The following ATG16L2 variants were observed in gnomAD, a reference collection of about 807,000 sequenced individuals.
The protein encoded by ATG16L2 is protein Atg16l2.
A neutral mutation model predicts 84.7 loss-of-function variants in ATG16L2; 77 were observed. That is an observed-to-expected ratio of 0.91 (90% CI 0.76 to 1.10). The LOEUF (loss-of-function observed/expected upper bound fraction) is 1.10. ATG16L2 is among the 50% of genes least tolerant of loss of function. The probability of loss-of-function intolerance (pLI) is 0.00; values close to 1 mark genes in which losing one functional copy is unlikely to be tolerated. For missense variants in ATG16L2, 782 were observed against 817.6 expected (o/e 0.96, Z 0.53); for synonymous variants, 361 against 342.8 (o/e 1.05, Z -0.59).
intron 8 of ATG16L2, chr11:72,824,424 G>A: frequency 1.8e-6 from 1 of 565,250 alleles, no homozygotes. Context: ...GCTCTGAAAT[G>A]TCAGGGACTC....
In ATG16L2 at chr11:72,826,038, C is replaced by G. The variant is rs1591310289; in HGVS notation, c.1103-135C>G. 1.1e-5 allele frequency: 8 copies of G among 704,768 alleles called. No homozygotes were observed. In the East Asian group the frequency reaches 2.2e-4, roughly 19 times the overall value. The allele number at this position is 704,768 out of a possible 1,614,324, so 43.7% of individuals were successfully genotyped here. On this transcript the variant is annotated intron_variant, in intron 10 of 17. Transcript: ENST00000321297. ...TCCAGCCCAGGCCCGCAGAACAGACCCAGCGATTCTGTCTTCTAACCTGGG... is the reference window on the plus strand; with the variant it reads ...TCCAGCCCAGGCCCGCAGAACAGACGCAGCGATTCTGTCTTCTAACCTGGG...
chr11:72,818,099 A>C, intron 3 of ATG16L2: 1 of 526,056 alleles, frequency 1.9e-6, no homozygotes, highest in Non-Finnish European at 3.4e-6. Context: ...CTGGCAGCCC[A>C]TTTCCCTTCC....
chr11:72,817,994 C>T (rs1337906285), intron 3 of ATG16L2, 139 bp downstream of exon 3: 1 of 798,886 alleles, frequency 1.3e-6, no homozygotes, highest in Non-Finnish European at 1.9e-6. Flanking sequence ...TGTGCCAGGC[C>T]CTGACCTGAA....
intron 5 of ATG16L2, among the ~76,000 whole-genome samples, chr11:72,836,035 A>G (rs1860719714): frequency 6.6e-6 from 1 of 152,274 alleles, no homozygotes; most frequent in Admixed American, 6.5e-5. Context: ...GGCATGAGCC[A>G]CTGCGCCCGG....
chr11:72,826,483 C>T (rs1860364154), intron 11 of ATG16L2, 35 bp from the exon 12 acceptor site: 1 of 1,612,610 alleles, frequency 6.2e-7, no homozygotes, highest in South Asian at 1.1e-5. Flanking sequence ...TTGCCTCCGG[C>T]TTAGCACCTC....
rs1040216108 is a variant in ATG16L2 at position 72,827,406 on chromosome 11, C to T, written c.1472+113C>T. On this transcript the variant is annotated intron_variant, in intron 14 of 17. Transcript: ENST00000321297. ...GAGTCTTGGTGGCACTTTGGGCAGGCAAGGCTGTGGGGCTGGCACTGCCAG... is the reference window on the plus strand; with the variant it reads ...GAGTCTTGGTGGCACTTTGGGCAGGTAAGGCTGTGGGGCTGGCACTGCCAG... 21 of 875,214 alleles carry T rather than the reference C, an allele frequency of 2.4e-5. No homozygotes were observed. The Admixed American group carries it at 4.4e-4, about 19-fold the overall frequency. The allele number at this position is 875,214 out of a possible 1,614,324, so 54.2% of individuals were successfully genotyped here.
At chr11:72,830,488 G>T (rs569222004), downstream of ATG16L2, among the ~76,000 whole-genome samples, 1 of 152,128 alleles carries the variant, frequency 6.6e-6, no homozygotes, top group East Asian at 1.9e-4. Flanking sequence ...AGTGACTTTT[G>T]TTGTTGTTGT....
chr11:72,842,491 A>C, intron 5 of ATG16L2: 1 of 1,076,592 alleles, frequency 9.3e-7, no homozygotes, highest in South Asian at 1.6e-5. Context: ...GCAGTTGTGC[A>C]GACACTGGCA....
At chr11:72,816,878 T>A in intron 2 of ATG16L2, 51 bp downstream of exon 2, 6 of 1,262,588 alleles carry the variant, frequency 4.8e-6, no homozygotes, top group South Asian at 1.2e-5. Flanking sequence ...GCTGGGGCCC[T>A]GCCCCTGCTG....
downstream of ATG16L2, among the ~76,000 whole-genome samples, chr11:72,832,167 G>T (rs1357114593): frequency 1.3e-5 from 2 of 152,240 alleles, no homozygotes; most frequent in Non-Finnish European, 2.9e-5. Flanking sequence ...TCATTTCACA[G>T]GGTTGTAGTG....
At position 72,824,829 on chromosome 11, in the gene ATG16L2, C is replaced by G. The variant is rs1565267692; in HGVS notation, c.983C>G (p.Ala328Gly). Residue 328 changes from alanine to glycine, a missense_variant, in exon 9 of 18, where the codon GCT becomes GGT. By Grantham distance (60) the Ala-to-Gly change is moderately conservative. Transcript: ENST00000321297. The stretch of plus-strand genomic sequence containing the variant: ...GTGGCTGCCCGACTTCCTACCCGGG[C>G]TCAGGATGTGCTGGTAAGGGAGGAG... ...VCVAARLPTR[A>G]QDVLDAHLSE... is the part of the protein sequence containing the mutation. 6.3e-7 allele frequency: 1 copy of G among 1,593,330 alleles called. No homozygotes were observed. Among genetic ancestry groups the G allele is most frequent in the African/African-American group, 1.3e-5 (1 of 74,648 alleles).
intron 5 of ATG16L2, among the ~76,000 whole-genome samples, chr11:72,842,014 C>A (rs529343015): frequency 1.3e-5 from 2 of 152,314 alleles, no homozygotes; most frequent in African/African-American, 2.4e-5. Context: ...ACAATCACCA[C>A]GCAAACAAGA....
chr11:72,824,574 G>C (rs1860221091), intron 8 of ATG16L2, 160 bp from the exon 9 acceptor site: 1 of 645,878 alleles, frequency 1.5e-6, no homozygotes, highest in Non-Finnish European at 2.8e-6. Flanking sequence ...CAACCCCTGG[G>C]GTCGAGGCTG....
rs1860193952 is a variant in ATG16L2 at position 72,824,191 on chromosome 11, G to A, written c.887+69G>A. On this transcript the variant is annotated intron_variant, in intron 8 of 17. Coordinates refer to ENST00000321297, the MANE Select transcript of ATG16L2 (RefSeq NM_033388.2). Reference sequence around the variant, plus strand: ...GCTCCCCAGCCCAGGCTTGGTCTGTGTCTGTGCCTCGACCTGTCCATCCCT... The same window carrying A: ...GCTCCCCAGCCCAGGCTTGGTCTGTATCTGTGCCTCGACCTGTCCATCCCT... The A allele has an allele frequency of 1.9e-6, 3 of 1,589,106 alleles. No homozygotes were observed. In the East Asian group the frequency reaches 6.7e-5, roughly 36 times the overall value.
chr11:72,843,177 G>A, exon 6 of ATG16L2: 1 of 1,613,994 alleles, frequency 6.2e-7, no homozygotes, highest in Non-Finnish European at 8.5e-7. Context: ...GAGGCTGCCT[G>A]AAACGAGTTC....
At chr11:72,839,264 T>C (rs1860829204) in intron 5 of ATG16L2, among the ~76,000 whole-genome samples, 1 of 152,100 alleles carries the variant, frequency 6.6e-6, no homozygotes, top group African/African-American at 2.4e-5. Flanking sequence ...TAGGGTTAAG[T>C]TGTGAAGGGC....
intron 8 of ATG16L2, 156 bp from the exon 9 acceptor site, chr11:72,824,578 G>A (rs1003419961): frequency 2.0e-5 from 13 of 653,334 alleles, no homozygotes; most frequent in Admixed American, 7.1e-5. Flanking sequence ...CCCTGGGGTC[G>A]AGGCTGGGTT....
rs543032403 is a variant in ATG16L2 at position 72,836,962 on chromosome 11, A to G, written c.*22-5655A>G. ...TAAAATAAAATTAGCAGCTCTTCCA[A>G]AAAATATTTTAAAATACAACAAAAG... On this transcript the variant is annotated intron_variant, in intron 5 of 5. Coordinates refer to the ATG16L2 transcript ENST00000534905. 2.0e-5 allele frequency: 3 copies of G among 152,686 alleles called. No homozygotes were observed. The East Asian group carries it at 5.8e-4, about 29-fold the overall frequency. The allele number at this position is 152,686 out of a possible 1,614,324, so 9.5% of individuals were successfully genotyped here.
chr11:72,833,830 G>A (rs1380916055), downstream of ATG16L2, among the ~76,000 whole-genome samples: 1 of 152,040 alleles, frequency 6.6e-6, no homozygotes, highest in African/African-American at 2.4e-5. Context: ...GGCTGAGGCA[G>A]GAGAATCGCT....
Sources: gnomAD v4.1 joint callset for allele counts (sites outside exome capture counted in the v4.1 genomes callset) on GRCh38, gnomAD v4.1.1 for gene constraint, MANE v1.5 for transcripts, NCBI Gene and HGNC (gene_info 2026-07-23, HGNC 2026-07-21) for gene names.